Variants in GLI3 observed in about 807,000 individuals in gnomAD.
GLI3 encodes the protein transcription activator GLI3.
Under a neutral mutation model 100.8 loss-of-function variants are expected in GLI3, and 20 were observed. The observed-to-expected ratio is 0.20, with a 90% CI of 0.14 to 0.29. GLI3 has a LOEUF of 0.29. Ranked by LOEUF, GLI3 falls within the 10% of genes least tolerant of loss-of-function variation. The pLI is 1.00. For synonymous variants in GLI3, 938 were observed against 860.5 expected, an observed-to-expected ratio of 1.09 and a Z score of -1.58; for missense variants, 2,040 against 2,128.5, an observed-to-expected ratio of 0.96 and a Z score of 0.82.
chr7:42,031,426 T>C (rs531306708), intron 7 of GLI3, among the ~76,000 whole-genome samples: 1 of 152,216 alleles, frequency 6.6e-6, no homozygotes, highest in African/African-American at 2.4e-5. Flanking sequence ...GGTGAGTAAG[T>C]GTAATGGAGA....
chr7:42,057,603 C>A (rs1460220704), intron 4 of GLI3, among the ~76,000 whole-genome samples: 1 of 152,126 alleles, frequency 6.6e-6, no homozygotes, highest in East Asian at 1.9e-4. Context: ...ACAAATAATG[C>A]ATACAATGAA....
chr7:42,182,908 CCT>C (rs1311456368), intron 2 of GLI3, among the ~76,000 whole-genome samples: 1 of 151,644 alleles, frequency 6.6e-6, no homozygotes, highest in Non-Finnish European at 1.5e-5. Context: ...ATGGCGAAAC[CCT>C]GTCTCTACTA....
chr7:41,990,460 A>G (rs1378033478), intron 10 of GLI3, among the ~76,000 whole-genome samples: 1 of 152,224 alleles, frequency 6.6e-6, no homozygotes, highest in Non-Finnish European at 1.5e-5. Context: ...CTCTGTCTTC[A>G]ATGCCCTACG....
intron 9 of GLI3, among the ~76,000 whole-genome samples, chr7:42,023,831 AT>A (rs1444388893): frequency 6.6e-6 from 1 of 152,238 alleles, no homozygotes; most frequent in Non-Finnish European, 1.5e-5. Flanking sequence ...GCCTGTCAAA[AT>A]TATGAATTAA....
At chr7:42,066,737 C>T (rs545133679) in intron 4 of GLI3, among the ~76,000 whole-genome samples, 4 of 152,250 alleles carry the variant, frequency 2.6e-5, no homozygotes, top group Non-Finnish European at 5.9e-5. Flanking sequence ...GGCTGCACCT[C>T]TGCTCACAGC....
chr7:42,060,817 A>T (rs1301059399), intron 4 of GLI3, among the ~76,000 whole-genome samples: 1 of 152,160 alleles, frequency 6.6e-6, no homozygotes, highest in Non-Finnish European at 1.5e-5. Flanking sequence ...GATAAGTGAC[A>T]TTTGTTTGTA....
intron 2 of GLI3, 58 bp downstream of exon 2, chr7:42,223,072 T>C (rs1788518122): frequency 6.3e-7 from 1 of 1,591,666 alleles, no homozygotes; most frequent in South Asian, 1.1e-5. Flanking sequence ...TCACAAGGAA[T>C]GCAGAGAACA....
intron 10 of GLI3, among the ~76,000 whole-genome samples, chr7:41,995,928 A>T (rs996388329): frequency 1.3e-5 from 2 of 152,180 alleles, no homozygotes; most frequent in African/African-American, 2.4e-5. Flanking sequence ...ACAAGGGTTA[A>T]ATTAGTTATC....
At chr7:42,125,293 T>C (rs1438192546) in intron 3 of GLI3, among the ~76,000 whole-genome samples, 1 of 152,150 alleles carries the variant, frequency 6.6e-6, no homozygotes, top group Non-Finnish European at 1.5e-5. Context: ...AACCATCTCA[T>C]GTAAACCTTA....
At chr7:42,117,351 T>C (rs1785885217) in intron 3 of GLI3, among the ~76,000 whole-genome samples, 1 of 152,208 alleles carries the variant, frequency 6.6e-6, no homozygotes, top group Admixed American at 6.5e-5. Context: ...CCTCTGGTCC[T>C]TTATTTACAA....
chr7:42,162,588 T>C (rs1787151165), intron 2 of GLI3, among the ~76,000 whole-genome samples: 1 of 152,196 alleles, frequency 6.6e-6, no homozygotes, highest in Admixed American at 6.5e-5. Context: ...CAAGAAGAGT[T>C]GATGAAAACG....
chr7:42,125,077 T>A (rs1395060298), intron 3 of GLI3, among the ~76,000 whole-genome samples: 4 of 152,158 alleles, frequency 2.6e-5, no homozygotes, highest in South Asian at 4.2e-4. Context: ...AGTGAGGAAG[T>A]GGAAGCTGAC....
At chr7:42,219,648 A>G (rs1295289533) in intron 2 of GLI3, among the ~76,000 whole-genome samples, 1 of 152,206 alleles carries the variant, frequency 6.6e-6, no homozygotes, top group African/African-American at 2.4e-5. Flanking sequence ...AAGGACATGC[A>G]GTGGAATGTG....
intron 4 of GLI3, among the ~76,000 whole-genome samples, chr7:42,049,520 C>A (rs1784311260): frequency 6.6e-6 from 1 of 152,220 alleles, no homozygotes; most frequent in Admixed American, 6.5e-5. Flanking sequence ...AATGCATTTT[C>A]AATCAAGCCC....
At chr7:41,993,053 G>A (rs1788033856) in intron 10 of GLI3, among the ~76,000 whole-genome samples, 1 of 152,168 alleles carries the variant, frequency 6.6e-6, no homozygotes, top group African/African-American at 2.4e-5. Context: ...CTTTTATCAA[G>A]GAGGCCTGCT....
intron 12 of GLI3, among the ~76,000 whole-genome samples, chr7:41,976,837 G>GATGTTCACT: frequency 6.6e-6 from 1 of 152,310 alleles, no homozygotes; most frequent in Middle Eastern, 3.4e-3. Flanking sequence ...TCTGTAGGAA[G>GATGTTCACT]ATGTTCACTA....
At chr7:42,016,723 A>G (rs1017614557) in intron 10 of GLI3, among the ~76,000 whole-genome samples, 11 of 152,016 alleles carry the variant, frequency 7.2e-5, no homozygotes, top group African/African-American at 2.2e-4. Context: ...CATCATCATC[A>G]TCACCACCAT....
In GLI3 at chr7:42,219,992, T is replaced by C. The variant is rs535382567; in HGVS notation, c.124+3138A>G. On this transcript the variant is annotated intron_variant, in intron 2 of 14. Coordinates refer to ENST00000395925, the MANE Select transcript of GLI3 (RefSeq NM_000168.6). ...CCTCAGCCTCCCGAGTGGCTGGGAC[T>C]ACAGGCACCCGCCACACGCCCAGCT... 1.7e-3 allele frequency among the ~76,000 whole-genome samples: 266 copies of C among 152,018 alleles called. 1 individual carries two copies. The highest frequency in any genetic ancestry group is 6.1e-3 in the African/African-American group (255 of 41,488).
chr7:41,996,635 T>C (rs186439673), intron 10 of GLI3, among the ~76,000 whole-genome samples: 1 of 152,190 alleles, frequency 6.6e-6, no homozygotes, highest in Admixed American at 6.5e-5. Flanking sequence ...GAAAGAATTA[T>C]CTAATCCTAA....
Sources: allele counts gnomAD v4.1 joint callset (sites outside exome capture counted in the v4.1 genomes callset), GRCh38; gene constraint gnomAD v4.1.1; transcripts MANE v1.5; gene names NCBI Gene and HGNC (gene_info 2026-07-23, HGNC 2026-07-21).